Variants in MIDN observed in about 807,000 individuals in gnomAD.
The protein encoded by MIDN is midnolin.
MIDN carries 26 observed loss-of-function variants against 46.1 expected under a neutral mutation model. The ratio of observed to expected loss-of-function variants is 0.56; its 90% CI spans 0.41 to 0.78. The LOEUF (loss-of-function observed/expected upper bound fraction) is 0.78. MIDN is among the 30% of genes least tolerant of loss of function. The pLI, the probability that MIDN is intolerant of heterozygous loss-of-function variation, is 0.00. For synonymous variants in MIDN, 432 were observed against 343.3 expected (o/e 1.26, Z -2.86); for missense variants, 850 against 771.8 (o/e 1.10, Z -1.20).
intron 2 of MIDN, 152 bp from the exon 3 acceptor site, chr19:1,251,410 C>T (rs2081125929): frequency 3.1e-6 from 2 of 655,206 alleles, no homozygotes; most frequent in East Asian, 2.9e-5. Flanking sequence ...TCTCTGCACG[C>T]GCTTAGGGCC....
At position 1,250,277 on chromosome 19, in the gene MIDN, C is replaced by T. The variant is rs867946147; in HGVS notation, c.-20C>T. On this transcript the variant is annotated 5_prime_UTR_variant, in exon 2 of 9. Transcript: ENST00000682408. ...GATTGGCGGCGCCCGCCGCCCCCAG[C>T]CCCCCAGCGCGCGCCGGGGATGGAG... 2.9e-4 allele frequency: 280 copies of T among 953,862 alleles called. 1 individual carries two copies. The African/African-American group carries it at 4.7e-3, about 16-fold the overall frequency. 59.1% of individuals were successfully genotyped at this position (953,862 alleles called of 1,614,324 possible). A position where few individuals can be genotyped will look rare whatever the true frequency, so the allele number is the denominator to read the frequency against.
chr19:1,251,601 T>A lies in MIDN; in HGVS notation c.273T>A (p.Gly91=). ...GGAAGCTGCAGGAGTTCGGCGTGGGTGATGGCAGCAAGCTGACCTTGGTAC... is the reference window on the plus strand; with the variant it reads ...GGAAGCTGCAGGAGTTCGGCGTGGGAGATGGCAGCAAGCTGACCTTGGTAC... ...SSGKLQEFGV[G]DGSKLTLVPT... The change falls in exon 3 of 9, where the codon GGT becomes GGA. Residue 91 remains glycine, a synonymous_variant. Transcript: ENST00000682408. 1 of 1,606,296 alleles carries A rather than the reference T, an allele frequency of 6.2e-7. No individual in the cohort carries two copies. The highest frequency in any genetic ancestry group is 8.5e-7 in the Non-Finnish European group (1 of 1,177,466).
At chr19:1,251,462 C>A in intron 2 of MIDN, 100 bp from the exon 3 acceptor site, 1 of 1,059,396 alleles carries the variant, frequency 9.4e-7, no homozygotes, top group Non-Finnish European at 1.4e-6. Context: ...GGGAACTTAT[C>A]CGTCTCTCCC....
intron 4 of MIDN, among the ~76,000 whole-genome samples, chr19:1,252,808 G>T (rs1464975610): frequency 2.0e-5 from 3 of 152,184 alleles, no homozygotes; most frequent in Non-Finnish European, 4.4e-5. Context: ...GGGGCAGGGC[G>T]GGGGCCGGGA....
rs774510970 is a variant in MIDN at position 1,255,729 on chromosome 19, G to T, written c.1258+35G>T. ...CACCCTCGGGGGTCCTACCTTCCCCGCCCGCCTGGGCTTCTCAAGGCCCCT... is the reference window on the plus strand; with the variant it reads ...CACCCTCGGGGGTCCTACCTTCCCCTCCCGCCTGGGCTTCTCAAGGCCCCT... On this transcript the variant is annotated intron_variant, in intron 8 of 8. Coordinates refer to ENST00000682408, the MANE Select transcript of MIDN (RefSeq NM_001388306.1). The T allele has an allele frequency of 1.7e-5, 25 of 1,497,590 alleles. No individual in the cohort carries two copies. The South Asian group carries it at 1.8e-4, about 11-fold the overall frequency. 92.8% of individuals were successfully genotyped at this position (1,497,590 alleles called of 1,614,324 possible). A position where few individuals can be genotyped will look rare whatever the true frequency, so the allele number is the denominator to read the frequency against.
chr19:1,250,518 C>A lies in MIDN; in HGVS notation c.222C>A (p.Leu74=). The change falls in exon 2 of 9, where the codon CTC becomes CTA. Residue 74 remains leucine (L), a synonymous_variant. Coordinates refer to ENST00000682408, the MANE Select transcript of MIDN (RefSeq NM_001388306.1). The stretch of plus-strand genomic sequence containing the variant: ...TGCCCAAGGAGCGCCTGGCTCTTCT[C>A]CACAAAGACACGTAGGTACCGCGCG... ...LKVPKERLAL[L]HKDTRLSSGK... 7.7e-7 allele frequency: 1 copy of A among 1,306,842 alleles called. No homozygotes were observed. The allele number at this position is 1,306,842 out of a possible 1,614,324, so 81.0% of individuals were successfully genotyped here. A position where few individuals can be genotyped will look rare whatever the true frequency, so the allele number is the denominator to read the frequency against.
chr19:1,251,685 C>A (rs1184275520), intron 3 of MIDN, 36 bp downstream of exon 3: 7 of 1,584,598 alleles, frequency 4.4e-6, no homozygotes, highest in Non-Finnish European at 6.0e-6. Flanking sequence ...CCCAGAGGCC[C>A]CCGCACACAG....
chr19:1,249,400 C>T (rs1268725162), intron 1 of MIDN, among the ~76,000 whole-genome samples: 2 of 150,350 alleles, frequency 1.3e-5, no homozygotes, highest in African/African-American at 2.4e-5. Flanking sequence ...GCGGCTTTTC[C>T]CGGACGAAGG....
chr19:1,256,797 C>T (rs2081204119), intron 8 of MIDN, among the ~76,000 whole-genome samples, 198 bp from the exon 9 acceptor site: 1 of 152,204 alleles, frequency 6.6e-6, no homozygotes, highest in Non-Finnish European at 1.5e-5. Flanking sequence ...CTGCCTCGGC[C>T]TCCCAAAGTG....
At chr19:1,252,882 G>A (rs1032340163) in intron 4 of MIDN, among the ~76,000 whole-genome samples, 1 of 152,130 alleles carries the variant, frequency 6.6e-6, no homozygotes, top group African/African-American at 2.4e-5. Flanking sequence ...GCAGAGCCGG[G>A]GTCCCGAGCC....
chr19:1,253,101 C>T (rs975912086), intron 4 of MIDN, among the ~76,000 whole-genome samples: 5 of 151,898 alleles, frequency 3.3e-5, no homozygotes, highest in Non-Finnish European at 7.4e-5. Flanking sequence ...CTGCCTGGCA[C>T]CGAGTCATGC....
intron 1 of MIDN, among the ~76,000 whole-genome samples, chr19:1,249,664 C>A (rs1444664631): frequency 7.0e-6 from 1 of 143,324 alleles, no homozygotes; most frequent in Non-Finnish European, 1.5e-5. Context: ...TCCCCTTGGT[C>A]GCCTGGGCGC....
At chr19:1,250,619 G>A in intron 2 of MIDN, 90 bp downstream of exon 2, 2 of 689,124 alleles carry the variant, frequency 2.9e-6, no homozygotes, top group Non-Finnish European at 1.9e-6. Context: ...AAGGCAGGGG[G>A]CGGCCAGACA....
chr19:1,253,066 C>G (rs2081152538), intron 4 of MIDN, among the ~76,000 whole-genome samples: 1 of 151,322 alleles, frequency 6.6e-6, no homozygotes, highest in African/African-American at 2.4e-5. Context: ...TGGGCGGAGA[C>G]ACTGGGCTCC....
At chr19:1,255,122 C>T (rs1268790215) in intron 7 of MIDN, 61 bp downstream of exon 7, 5 of 1,553,730 alleles carry the variant, frequency 3.2e-6, no homozygotes, top group African/African-American at 1.4e-5. Flanking sequence ...CATTTGGGGT[C>T]TACATCCACC....
At chr19:1,252,002 G>C in intron 4 of MIDN, 101 bp downstream of exon 4, 1 of 988,714 alleles carries the variant, frequency 1.0e-6, no homozygotes, top group East Asian at 2.7e-5. Context: ...AGGAGGCTGG[G>C]GGAGGGGAGG....
chr19:1,250,793 C>G (rs1045674402), intron 2 of MIDN, among the ~76,000 whole-genome samples: 1 of 151,794 alleles, frequency 6.6e-6, no homozygotes, highest in Non-Finnish European at 1.5e-5. Context: ...CAGGGCGTTG[C>G]GGGGGTCCCG....
Position 1,255,057 on chromosome 19 carries a change from C to T in MIDN, c.981C>T (p.Phe327=), listed in dbSNP as rs932478108. The change falls in exon 7 of 9, where the codon TTC becomes TTT. Residue 327 remains phenylalanine, a synonymous_variant. Coordinates refer to ENST00000682408, the MANE Select transcript of MIDN (RefSeq NM_001388306.1). The stretch of plus-strand genomic sequence containing the variant: ...CCCCGGGGGTCTTCTCAGGGACCTT[C>T]TCTGGTAGGTGTCACAGCACATGTG... ...NHAPGVFSGT[F]SGTLHPNCQD... The T allele has an allele frequency of 2.0e-5, 32 of 1,611,846 alleles. No individual in the cohort carries two copies. The highest frequency in any genetic ancestry group is 2.5e-5 in the Non-Finnish European group (29 of 1,178,974).
chr19:1,256,875 C>G, intron 8 of MIDN, 120 bp from the exon 9 acceptor site: 1 of 1,448,584 alleles, frequency 6.9e-7, no homozygotes, highest in Non-Finnish European at 9.3e-7. Context: ...CTTTGCTGAC[C>G]TCCCTCCAGG....
Sources: allele counts gnomAD v4.1 joint callset (sites outside exome capture counted in the v4.1 genomes callset), GRCh38; gene constraint gnomAD v4.1.1; transcripts MANE v1.5; gene names NCBI Gene and HGNC (gene_info 2026-07-23, HGNC 2026-07-21).